Variants in ZPBP observed in about 807,000 individuals in gnomAD.
ZPBP encodes the protein zona pellucida binding protein.
Under a neutral mutation model 44.8 loss-of-function variants are expected in ZPBP, and 26 were observed. The observed-to-expected ratio is 0.58, with a 90% CI of 0.43 to 0.81. The LOEUF (loss-of-function observed/expected upper bound fraction) is 0.81, where lower values mean the gene tolerates loss of function less well. Among genes scored for constraint, ZPBP ranks in the 30% least tolerant of loss-of-function variants. The pLI is 0.00. For missense variants in ZPBP, 409 were observed against 434.0 expected (o/e 0.94, Z 0.51); for synonymous variants, 174 against 153.2 (o/e 1.14, Z -1.00).
intron 2 of ZPBP, among the ~76,000 whole-genome samples, chr7:49,865,272 T>C (rs1385798738): frequency 6.6e-6 from 1 of 152,208 alleles, no homozygotes; most frequent in Non-Finnish European, 1.5e-5. Flanking sequence ...AGTTGATCTC[T>C]GAAATCTGAG....
chr7:50,075,021 A>AT, intron 3 of ZPBP, among the ~76,000 whole-genome samples: 1 of 152,038 alleles, frequency 6.6e-6, no homozygotes, highest in East Asian at 1.9e-4. Flanking sequence ...ATATTAGGTC[A>AT]CAAAACAAGC....
At chr7:49,909,390 A>T (rs994058299) in intron 1 of ZPBP, among the ~76,000 whole-genome samples, 4 of 152,208 alleles carry the variant, frequency 2.6e-5, no homozygotes, top group Non-Finnish European at 5.9e-5. Context: ...AATTTTAAAC[A>T]TAGGCACCAT....
chr7:49,876,051 A>G (rs921897267), intron 2 of ZPBP, among the ~76,000 whole-genome samples: 1 of 152,180 alleles, frequency 6.6e-6, no homozygotes, highest in Non-Finnish European at 1.5e-5. Context: ...CTGTGTATCA[A>G]GTATCAAAAT....
rs924006347 is a variant in ZPBP, at chr7:49,965,683, T to C, written c.961+17659A>G. ...CTGTTTAATAAGCATAATAATAGTGTAGTGCAGGATTTGTGACATTAGGTA... is the reference window on the plus strand; with the variant it reads ...CTGTTTAATAAGCATAATAATAGTGCAGTGCAGGATTTGTGACATTAGGTA... On this transcript the variant is annotated intron_variant, in intron 7 of 7. Transcript: ENST00000046087. Among the ~76,000 whole-genome samples, 6 of 152,026 alleles carry C rather than the reference T, an allele frequency of 3.9e-5. No individual in the cohort carries two copies. The South Asian group carries it at 8.3e-4, about 21-fold the overall frequency.
chr7:50,003,129 A>G (rs1398799704), intron 6 of ZPBP, among the ~76,000 whole-genome samples: 2 of 152,178 alleles, frequency 1.3e-5, no homozygotes, highest in South Asian at 4.1e-4. Context: ...ATATACTGTT[A>G]ACATAGTATT....
chr7:50,057,387 A>AGACTAAGCAGT (rs1801004465), intron 4 of ZPBP, among the ~76,000 whole-genome samples: 3 of 152,194 alleles, frequency 2.0e-5, no homozygotes, highest in African/African-American at 7.2e-5. Context: ...AAATTCTCCC[A>AGACTAAGCAGT]CCCTGAATCC....
chr7:49,925,686 A>G (rs753651814), intron 1 of ZPBP, among the ~76,000 whole-genome samples: 3 of 152,238 alleles, frequency 2.0e-5, no homozygotes, highest in Non-Finnish European at 4.4e-5. Flanking sequence ...ACATCCATCC[A>G]CAGGCCTCTG....
chr7:49,952,243 TAAAG>T (rs1795375477), intron 7 of ZPBP, among the ~76,000 whole-genome samples: 1 of 152,062 alleles, frequency 6.6e-6, no homozygotes, highest in South Asian at 2.1e-4. Context: ...ATTAAAAAAA[TAAAG>T]AGAGCTTCGT....
intron 7 of ZPBP, among the ~76,000 whole-genome samples, chr7:49,950,668 C>A (rs1329567113): frequency 2.0e-5 from 3 of 151,260 alleles, no homozygotes; most frequent in African/African-American, 7.3e-5. Context: ...ACTTCATAGA[C>A]CTGAGGGTAA....
chr7:49,965,336 A>T (rs535234141), intron 7 of ZPBP, among the ~76,000 whole-genome samples: 1 of 152,210 alleles, frequency 6.6e-6, no homozygotes, highest in Admixed American at 6.5e-5. Context: ...TCAAAGTGAA[A>T]AGACAGAGGA....
In ZPBP at chr7:50,072,031, C is replaced by T. The variant is rs984982047; in HGVS notation, c.334+9743G>A. ...GGCACTTTGTCTTATACCTTAACTA[C>T]CAGCATGGACACAGACGGGGAGAGC... On this transcript the variant is annotated intron_variant, in intron 3 of 7. Coordinates refer to ENST00000046087, the MANE Select transcript of ZPBP (RefSeq NM_007009.3). 2.0e-5 allele frequency among the ~76,000 whole-genome samples: 3 copies of T among 152,224 alleles called. No individual in the cohort carries two copies. The South Asian group carries it at 6.2e-4, about 31-fold the overall frequency.
intron 1 of ZPBP, among the ~76,000 whole-genome samples, chr7:49,928,590 A>G (rs980498939): frequency 2.0e-5 from 3 of 152,340 alleles, no homozygotes; most frequent in Non-Finnish European, 4.4e-5. Flanking sequence ...GATTTTATAA[A>G]GAACTTCCCA....
intron 2 of ZPBP, among the ~76,000 whole-genome samples, chr7:49,884,924 T>G (rs1313203732): frequency 6.6e-6 from 1 of 152,126 alleles, no homozygotes; most frequent in African/African-American, 2.4e-5. Flanking sequence ...AACTAATTCC[T>G]TGACCAATGA....
At chr7:49,859,085 A>C (rs944210747) in intron 2 of ZPBP, among the ~76,000 whole-genome samples, 1 of 152,238 alleles carries the variant, frequency 6.6e-6, no homozygotes, top group Non-Finnish European at 1.5e-5. Flanking sequence ...CCATATGGGC[A>C]CATACTTATT....
chr7:49,875,332 T>G (rs993460188), intron 2 of ZPBP, among the ~76,000 whole-genome samples: 8 of 111,098 alleles, frequency 7.2e-5, no homozygotes, highest in East Asian at 3.2e-4. Context: ...ATCACACCAC[T>G]GCTCTCCAGC....
intron 7 of ZPBP, among the ~76,000 whole-genome samples, chr7:49,966,825 G>A (rs997664436): frequency 1.3e-5 from 2 of 152,034 alleles, no homozygotes; most frequent in African/African-American, 4.8e-5. Flanking sequence ...AATAGAAATG[G>A]GGTTATGTGG....
rs554638539 is a variant in ZPBP at position 49,880,509 on chromosome 7, C to T, written n.509+20609G>A. Among the ~76,000 whole-genome samples the T allele has an allele frequency of 1.1e-4, 16 of 151,466 alleles. No homozygotes were observed. In the South Asian group the frequency reaches 3.2e-3, roughly 30 times the overall value. ...CAAATTCAGCTTCTTTATTAGATATCGGGCTATTCAGATTTTTATATTTTT... is the reference window on the plus strand; with the variant it reads ...CAAATTCAGCTTCTTTATTAGATATTGGGCTATTCAGATTTTTATATTTTT... On this transcript the variant is annotated intron_variant and non_coding_transcript_variant, in intron 2 of 2. Transcript: ENST00000465922.
At chr7:50,049,266 C>A (rs1348249683) in intron 4 of ZPBP, among the ~76,000 whole-genome samples, 1 of 151,908 alleles carries the variant, frequency 6.6e-6, no homozygotes, top group Non-Finnish European at 1.5e-5. Flanking sequence ...CAATTCTTCA[C>A]AAACACTTTC....
intron 2 of ZPBP, among the ~76,000 whole-genome samples, chr7:49,869,273 A>G (rs1052081516): frequency 1.3e-5 from 2 of 152,188 alleles, no homozygotes; most frequent in Admixed American, 1.3e-4. Flanking sequence ...CAAAATACAC[A>G]GTGAATGAAT....
Sources: allele counts gnomAD v4.1 joint callset (sites outside exome capture counted in the v4.1 genomes callset), GRCh38; gene constraint gnomAD v4.1.1; transcripts MANE v1.5; gene names NCBI Gene and HGNC (gene_info 2026-07-23, HGNC 2026-07-21).